ST8SIA1: variants seen among roughly 807,000 people sequenced by gnomAD.
ST8SIA1 encodes ST8 alpha-N-acetyl-neuraminide alpha-2,8-sialyltransferase 1.
A neutral mutation model predicts 35.9 loss-of-function variants in ST8SIA1; 16 were observed. The ratio of observed to expected loss-of-function variants is 0.45; its 90% CI spans 0.30 to 0.68. The LOEUF is 0.68. ST8SIA1 is among the 30% of genes least tolerant of loss of function. The probability of loss-of-function intolerance (pLI) is 0.09; values close to 1 mark genes in which losing one functional copy is unlikely to be tolerated. For synonymous variants in ST8SIA1, 170 were observed against 169.6 expected (o/e 1.00, Z -0.02); for missense variants, 383 against 453.6 (o/e 0.84, Z 1.41).
intron 4 of ST8SIA1, among the ~76,000 whole-genome samples, chr12:22,211,348 G>C (rs558857376): frequency 3.2e-4 from 49 of 152,314 alleles, no homozygotes; most frequent in African/African-American, 1.2e-3. Flanking sequence ...CTGGAGACTG[G>C]GGGGTGGGGC....
chr12:22,254,764 A>T (rs1023707811), intron 3 of ST8SIA1, among the ~76,000 whole-genome samples: 6 of 152,010 alleles, frequency 3.9e-5, no homozygotes, highest in Admixed American at 1.3e-4. Context: ...CCCTTTACCA[A>T]GCGTCCCCTC....
chr12:22,281,277 T>C (rs1866031264), intron 2 of ST8SIA1, among the ~76,000 whole-genome samples: 1 of 152,206 alleles, frequency 6.6e-6, no homozygotes, highest in Non-Finnish European at 1.5e-5. Flanking sequence ...GACCAGGTAT[T>C]ATTTGTCCCA....
intron 4 of ST8SIA1, chr12:22,223,711 A>G (rs776886364): frequency 1.1e-5 from 14 of 1,244,170 alleles, no homozygotes; most frequent in African/African-American, 9.5e-5. Flanking sequence ...TGGCTTTTGG[A>G]GCTGTTTTCC....
At chr12:22,306,803 T>C (rs755031250) in intron 1 of ST8SIA1, among the ~76,000 whole-genome samples, 4 of 152,170 alleles carry the variant, frequency 2.6e-5, no homozygotes, top group African/African-American at 4.8e-5. Flanking sequence ...CTCTCTTTTA[T>C]ATTTCTCTCC....
chr12:22,304,148 A>G (rs977271723), intron 1 of ST8SIA1, among the ~76,000 whole-genome samples: 1 of 152,108 alleles, frequency 6.6e-6, no homozygotes, highest in Non-Finnish European at 1.5e-5. Flanking sequence ...AAATAACAGC[A>G]ATTTGTTCCA....
chr12:22,260,718 C>CTATTTA (rs1865779912), intron 2 of ST8SIA1, among the ~76,000 whole-genome samples: 3 of 152,064 alleles, frequency 2.0e-5, no homozygotes, highest in Non-Finnish European at 4.4e-5. Context: ...TATCAGTAAC[C>CTATTTA]TCTGAAGTCC....
intron 2 of ST8SIA1, among the ~76,000 whole-genome samples, chr12:22,261,078 C>T (rs962750835): frequency 6.6e-6 from 1 of 151,740 alleles, no homozygotes; most frequent in Admixed American, 6.6e-5. Flanking sequence ...GAGGTTTCAC[C>T]ATGTTACCCA....
intron 2 of ST8SIA1, among the ~76,000 whole-genome samples, chr12:22,276,206 A>AT (rs1299620982): frequency 6.6e-6 from 1 of 151,996 alleles, no homozygotes; most frequent in Non-Finnish European, 1.5e-5. Flanking sequence ...ATGCACTTTG[A>AT]TTTTTTTAGG....
intron 1 of ST8SIA1, among the ~76,000 whole-genome samples, chr12:22,315,372 C>T (rs1269151830): frequency 6.6e-6 from 1 of 152,082 alleles, no homozygotes; most frequent in African/African-American, 2.4e-5. Context: ...GTTCTTTCTC[C>T]CAGTAAGATT....
At chr12:22,328,959 A>C (rs1425715248) in intron 1 of ST8SIA1, among the ~76,000 whole-genome samples, 1 of 152,188 alleles carries the variant, frequency 6.6e-6, no homozygotes, top group East Asian at 1.9e-4. Flanking sequence ...ACCCACTATA[A>C]TGCACTGTCA....
intron 4 of ST8SIA1, among the ~76,000 whole-genome samples, chr12:22,245,012 C>A (rs1213016119): frequency 1.3e-5 from 2 of 152,092 alleles, no homozygotes; most frequent in African/African-American, 2.4e-5. Flanking sequence ...TTTATCCTTG[C>A]ACCAGAGCCA....
chr12:22,202,076 A>C (rs780770860), intron 4 of ST8SIA1, 38 bp from the exon 5 acceptor site: 1 of 1,523,034 alleles, frequency 6.6e-7, no homozygotes, highest in East Asian at 2.3e-5. Flanking sequence ...TTAAACCTAG[A>C]GAAAAAGAAA....
intron 4 of ST8SIA1, among the ~76,000 whole-genome samples, chr12:22,222,907 A>G (rs1865316002): frequency 6.6e-6 from 1 of 152,160 alleles, no homozygotes. Context: ...CTAGTATTTC[A>G]TCAGCAGCTA....
chr12:22,324,926 A>T (rs1591858706), intron 1 of ST8SIA1: 1 of 152,274 alleles, frequency 6.6e-6, no homozygotes, highest in East Asian at 1.9e-4. Context: ...ATTAAAAGTT[A>T]TTTAATTATA....
chr12:22,320,906 AGAGAAGAAAGGAAAGAAAGG>A (rs1866579067), intron 1 of ST8SIA1, among the ~76,000 whole-genome samples: 1 of 149,488 alleles, frequency 6.7e-6, no homozygotes, highest in Non-Finnish European at 1.5e-5. Flanking sequence ...AGAAGGAAAG[AGAGAAGAAAGGAAAGAAAGG>A]AAGAAAGAAA....
At chr12:22,233,397 C>T (rs1865439970) in intron 4 of ST8SIA1, among the ~76,000 whole-genome samples, 2 of 151,814 alleles carry the variant, frequency 1.3e-5, no homozygotes, top group South Asian at 4.2e-4. Flanking sequence ...ACTGAGCATG[C>T]ATTCTTTCAC....
chr12:22,211,770 G>A (rs1029929628), intron 4 of ST8SIA1, among the ~76,000 whole-genome samples: 8 of 152,120 alleles, frequency 5.3e-5, no homozygotes, highest in African/African-American at 1.7e-4. Context: ...GGAGTGCAGT[G>A]GTGCAATGTA....
At chr12:22,229,549 G>A (rs1865393035) in intron 4 of ST8SIA1, among the ~76,000 whole-genome samples, 2 of 149,738 alleles carry the variant, frequency 1.3e-5, no homozygotes, top group Non-Finnish European at 1.5e-5. Context: ...CCAGGCGGTC[G>A]AGTCTGCAGT....
Position 22,201,544 on chromosome 12 carries a change from C to A in ST8SIA1, c.*8G>T, listed in dbSNP as rs1426238532. On this transcript the variant is annotated 3_prime_UTR_variant, in exon 5 of 5. Coordinates refer to ENST00000396037, the MANE Select transcript of ST8SIA1 (RefSeq NM_003034.4). ...ACCCTGGTTCAGTCCTTTCTTCTTCCATTGTTCCTAGGAAGTGGGCTGGAG... is the reference window on the plus strand; with the variant it reads ...ACCCTGGTTCAGTCCTTTCTTCTTCAATTGTTCCTAGGAAGTGGGCTGGAG... The A allele has an allele frequency of 6.3e-6, 10 of 1,591,576 alleles. No individual in the cohort carries two copies. The highest frequency in any genetic ancestry group is 8.5e-6 in the Non-Finnish European group (10 of 1,170,436).
Sources: gnomAD v4.1 joint callset for allele counts (sites outside exome capture counted in the v4.1 genomes callset) on GRCh38, gnomAD v4.1.1 for gene constraint, MANE v1.5 for transcripts, NCBI Gene and HGNC (gene_info 2026-07-23, HGNC 2026-07-21) for gene names.